Variants in MAD1L1 observed in about 807,000 individuals in gnomAD.
MAD1L1 encodes mitotic arrest deficient 1 like 1.
MAD1L1 carries 95 observed loss-of-function variants against 96.9 expected under a neutral mutation model. The ratio of observed to expected loss-of-function variants is 0.98; its 90% CI spans 0.83 to 1.16. The LOEUF (loss-of-function observed/expected upper bound fraction) is 1.16, where lower values mean the gene tolerates loss of function less well. Among genes scored for constraint, MAD1L1 ranks in the 50% most tolerant of loss-of-function variants. The probability of loss-of-function intolerance (pLI) is 0.00; values close to 1 mark genes in which losing one functional copy is unlikely to be tolerated. For synonymous variants in MAD1L1, 473 were observed against 396.6 expected (o/e 1.19, Z -2.29); for missense variants, 1,007 against 954.4 (o/e 1.06, Z -0.73).
chr7:2,215,542 G>A (rs1475680431), intron 9 of MAD1L1, among the ~76,000 whole-genome samples: 2 of 152,080 alleles, frequency 1.3e-5, no homozygotes, highest in African/African-American at 4.8e-5. Flanking sequence ...GCTTCCAGAT[G>A]ACCCACATTC....
At chr7:1,850,189 A>G (rs1783890728) in intron 18 of MAD1L1, among the ~76,000 whole-genome samples, 1 of 151,900 alleles carries the variant, frequency 6.6e-6, no homozygotes, top group East Asian at 1.9e-4. Flanking sequence ...TCGGTCCTGA[A>G]CCCCTGGGCA....
At chr7:2,155,827 G>A (rs1347829987) in intron 10 of MAD1L1, among the ~76,000 whole-genome samples, 1 of 152,194 alleles carries the variant, frequency 6.6e-6, no homozygotes, top group East Asian at 1.9e-4. Context: ...CGCAGAAGCG[G>A]CACTGACAGA....
chr7:2,201,495 AG>A (rs1386545769), intron 10 of MAD1L1, among the ~76,000 whole-genome samples: 1 of 152,184 alleles, frequency 6.6e-6, no homozygotes, highest in Non-Finnish European at 1.5e-5. Flanking sequence ...AGATACCACC[AG>A]GGATGCCACC....
intron 11 of MAD1L1, among the ~76,000 whole-genome samples, chr7:2,123,117 T>A (rs180833391): frequency 2.1e-4 from 32 of 151,954 alleles, no homozygotes; most frequent in African/African-American, 7.0e-4. Flanking sequence ...TCCTGGCTAA[T>A]GTGGTGAAAC....
intron 18 of MAD1L1, chr7:1,872,791 C>T (rs1785175520): frequency 6.6e-6 from 1 of 152,376 alleles, no homozygotes; most frequent in African/African-American, 2.4e-5. Flanking sequence ...GAAAAGCCAG[C>T]TCCGAGCCTT....
intron 18 of MAD1L1, among the ~76,000 whole-genome samples, chr7:1,854,821 G>A (rs1291200882): frequency 6.6e-6 from 1 of 152,256 alleles, no homozygotes; most frequent in Non-Finnish European, 1.5e-5. Flanking sequence ...AGGCAGGACA[G>A]GAGGGGACGG....
At chr7:1,948,327 C>T (rs1462984407) in intron 16 of MAD1L1, among the ~76,000 whole-genome samples, 1 of 152,052 alleles carries the variant, frequency 6.6e-6, no homozygotes, top group Non-Finnish European at 1.5e-5. Context: ...ACCCCCTCCA[C>T]CCCCCAGTGA....
chr7:1,939,289 G>A (rs1040041796), intron 16 of MAD1L1, among the ~76,000 whole-genome samples: 8 of 149,106 alleles, frequency 5.4e-5, no homozygotes, highest in African/African-American at 1.2e-4. Context: ...GGCCAGGGCC[G>A]GGGCCAGCGG....
chr7:1,956,011 C>G (rs980630635), intron 16 of MAD1L1, among the ~76,000 whole-genome samples: 3 of 151,442 alleles, frequency 2.0e-5, no homozygotes, highest in Non-Finnish European at 2.9e-5. Context: ...CAGGGGGGAG[C>G]GGGAGGCCGA....
chr7:1,849,927 G>A (rs1042877402), intron 18 of MAD1L1: 1 of 152,330 alleles, frequency 6.6e-6, no homozygotes, highest in South Asian at 2.1e-4. Context: ...AAGAGCCCAC[G>A]CGGCAGCAGT....
At chr7:1,979,008 G>C (rs891333778) in intron 15 of MAD1L1, among the ~76,000 whole-genome samples, 3 of 152,244 alleles carry the variant, frequency 2.0e-5, no homozygotes, top group Non-Finnish European at 4.4e-5. Flanking sequence ...AATCTAGAAG[G>C]CATCATAGCT....
chr7:2,120,458 C>G (rs558285589), intron 11 of MAD1L1, among the ~76,000 whole-genome samples: 1 of 152,342 alleles, frequency 6.6e-6, no homozygotes, highest in African/African-American at 2.4e-5. Context: ...GGGGTCACCA[C>G]CCTGCAATCT....
intron 14 of MAD1L1, among the ~76,000 whole-genome samples, chr7:1,997,784 T>C (rs1228948338): frequency 6.6e-6 from 1 of 152,194 alleles, no homozygotes; most frequent in African/African-American, 2.4e-5. Flanking sequence ...ACGGTGTCTG[T>C]AGCCCCCTTG....
At chr7:2,205,541 C>G (rs1266713516) in intron 10 of MAD1L1, among the ~76,000 whole-genome samples, 2 of 152,204 alleles carry the variant, frequency 1.3e-5, no homozygotes, top group African/African-American at 4.8e-5. Flanking sequence ...CACAACCAAC[C>G]AGCATTCACC....
At chr7:2,152,698 G>A (rs1789638359) in intron 10 of MAD1L1, among the ~76,000 whole-genome samples, 1 of 152,150 alleles carries the variant, frequency 6.6e-6, no homozygotes, top group Non-Finnish European at 1.5e-5. Context: ...TGCTCGGCTG[G>A]GCTTCCTAAG....
At chr7:1,927,138 C>T (rs1789133794) in intron 17 of MAD1L1, among the ~76,000 whole-genome samples, 1 of 151,974 alleles carries the variant, frequency 6.6e-6, no homozygotes, top group Admixed American at 6.6e-5. Flanking sequence ...AGCTCCAACA[C>T]TAACAATAAA....
intron 10 of MAD1L1, among the ~76,000 whole-genome samples, chr7:2,165,762 G>T (rs182594661): frequency 6.6e-6 from 1 of 152,314 alleles, no homozygotes; most frequent in Admixed American, 6.5e-5. Flanking sequence ...AGACTGACGG[G>T]CAAGGTGGCT....
intron 11 of MAD1L1, 147 bp downstream of exon 11, chr7:2,149,005 C>G: frequency 1.4e-6 from 1 of 689,768 alleles, no homozygotes; most frequent in South Asian, 1.7e-5. Context: ...CCCTCAAATC[C>G]CTGCTCCCCC....
chr7:1,985,833 G>A (rs995389215), intron 14 of MAD1L1, among the ~76,000 whole-genome samples: 6 of 151,770 alleles, frequency 4.0e-5, no homozygotes, highest in African/African-American at 1.5e-4. Context: ...TCCGGGTCCT[G>A]TCTCATGCAA....
Sources: allele counts gnomAD v4.1 joint callset (sites outside exome capture counted in the v4.1 genomes callset), GRCh38; gene constraint gnomAD v4.1.1; transcripts MANE v1.5; gene names NCBI Gene and HGNC (gene_info 2026-07-23, HGNC 2026-07-21).